The following TMEM94 variants were observed in gnomAD, a reference collection of about 807,000 sequenced individuals.
The protein encoded by TMEM94 is transmembrane protein 94.
Under a neutral mutation model 158.6 loss-of-function variants are expected in TMEM94, and 81 were observed. That is an observed-to-expected ratio of 0.51 (90% CI 0.43 to 0.61). The LOEUF (loss-of-function observed/expected upper bound fraction) is 0.61, where lower values mean the gene tolerates loss of function less well. Ranked by LOEUF, TMEM94 falls within the 20% of genes least tolerant of loss-of-function variation. TMEM94 has a pLI of 0.00. For missense variants in TMEM94, 1,435 were observed against 1,762.0 expected, an observed-to-expected ratio of 0.81 and a Z score of 3.32; for synonymous variants, 751 against 730.7, an observed-to-expected ratio of 1.03 and a Z score of -0.45.
chr17:75,468,543 C>T (rs775011999), intron 1 of TMEM94, among the ~76,000 whole-genome samples: 4 of 152,180 alleles, frequency 2.6e-5, no homozygotes, highest in Non-Finnish European at 4.4e-5. Flanking sequence ...GGATTTGGTC[C>T]CTCAGGATCC....
At chr17:75,486,066 C>T in intron 4 of TMEM94, 68 bp downstream of exon 4, 1 of 1,511,974 alleles carries the variant, frequency 6.6e-7, no homozygotes, top group South Asian at 1.3e-5. Context: ...GCACCTGGGA[C>T]AGACCAGGGC....
chr17:75,476,215 C>G (rs771121579), intron 2 of TMEM94, among the ~76,000 whole-genome samples: 1 of 152,168 alleles, frequency 6.6e-6, no homozygotes, highest in Non-Finnish European at 1.5e-5. Flanking sequence ...TTGATACTGG[C>G]AGTTGTCTTC....
intron 1 of TMEM94, among the ~76,000 whole-genome samples, chr17:75,468,977 C>G (rs529735016): frequency 6.6e-6 from 1 of 152,264 alleles, no homozygotes; most frequent in South Asian, 2.1e-4. Flanking sequence ...ACACCCTGGT[C>G]TGAGATCATT....
Position 75,471,793 on chromosome 17 carries a change from T to C in TMEM94, c.-106-7T>C. 1 of 1,028,174 alleles carries C rather than the reference T, an allele frequency of 9.7e-7. No homozygotes were observed. Among genetic ancestry groups the C allele is most frequent in the Non-Finnish European group, 1.5e-6 (1 of 666,868 alleles). 63.7% of individuals were successfully genotyped at this position (1,028,174 alleles called of 1,614,324 possible). ...ACCTGAGTGATTTCTTTCTTCTTTT[T>C]CCCCAGATGTTGTGACTGTGACAGA... is the stretch of plus-strand genomic sequence containing the variant. On this transcript the variant is annotated splice_region_variant and splice_polypyrimidine_tract_variant and intron_variant, in intron 1 of 31. Transcript: ENST00000314256.
At position 75,485,199 on chromosome 17, in the gene TMEM94, T is replaced by C. The variant is rs571819145; in HGVS notation, c.25-229T>C. ...ATAAAAGAAAAAGTTGTTTTGTTTT[T>C]TAATTTGGCTGTAAAGAGTAGGGTA... On this transcript the variant is annotated intron_variant, in intron 2 of 31. Coordinates refer to ENST00000314256, the MANE Select transcript of TMEM94 (RefSeq NM_014738.6). The surrounding 1 kb of genome is among the most constrained non-coding windows in gnomAD (Gnocchi z 5.5). Among the ~76,000 whole-genome samples the C allele has an allele frequency of 7.9e-5, 12 of 152,278 alleles. No homozygotes were observed. Among genetic ancestry groups the C allele is most frequent in the African/African-American group, 2.9e-4 (12 of 41,542 alleles).
rs770808337 is a variant in TMEM94 at position 75,473,798 on chromosome 17, C to G, written c.24+1869C>G. On this transcript the variant is annotated intron_variant, in intron 2 of 31. Transcript: ENST00000314256. ...GGGAGGTGGCCCCGGCTTAGAGAGG[C>G]TTATTGTCTAGTAGAGGAATTGATA... 7.2e-5 allele frequency among the ~76,000 whole-genome samples: 11 copies of G among 152,144 alleles called. No homozygotes were observed. The South Asian group carries it at 8.3e-4, about 11-fold the overall frequency.
Position 75,489,633 on chromosome 17 carries a change from TC to T in TMEM94, c.927del (p.Trp310GlyfsTer10). 1 of 1,613,962 alleles carries T rather than the reference TC, an allele frequency of 6.2e-7. No individual in the cohort carries two copies. Among genetic ancestry groups the T allele is most frequent in the South Asian group, 1.1e-5 (1 of 91,080 alleles). ...CATCTTCAGTGCCCCGGGGGTCACT[TC>T]CTGGCAGTACACCCTCCTCCAGCTC... ...RFIFSAPGVT[S>X]WQYTLLQLQV... On this transcript the variant is annotated frameshift_variant, in exon 9 of 32. Coordinates refer to ENST00000314256, the MANE Select transcript of TMEM94 (RefSeq NM_014738.6). LOFTEE classifies it high-confidence loss of function. The surrounding 1 kb of genome is among the most constrained non-coding windows in gnomAD (Gnocchi z 5.0).
intron 2 of TMEM94, among the ~76,000 whole-genome samples, chr17:75,478,260 G>T (rs374090477): frequency 7.3e-6 from 1 of 136,912 alleles, no homozygotes; most frequent in African/African-American, 2.7e-5. Flanking sequence ...CTCGTGATCC[G>T]CCCGCCTCGG....
intron 26 of TMEM94, 62 bp downstream of exon 26, chr17:75,497,260 G>C (rs1249526974): frequency 2.1e-6 from 3 of 1,415,958 alleles, no homozygotes; most frequent in African/African-American, 2.8e-5. Context: ...GGATGTCACT[G>C]TGCAGCCCCA....
Position 75,487,840 on chromosome 17 carries a change from G to A in TMEM94, c.410-92G>A, listed in dbSNP as rs938837007. On this transcript the variant is annotated intron_variant, in intron 5 of 31. Transcript: ENST00000314256. This position sits in a 1 kb window ranked among gnomAD's most constrained non-coding sequence, Gnocchi z 4.6. The stretch of plus-strand genomic sequence containing the variant: ...ACGCAGACCTCCTGGGAGAGGAAGT[G>A]GGCAGACAGTGCTTCCGGAAGTGCT... 1 of 1,033,834 alleles carries A rather than the reference G, an allele frequency of 9.7e-7. No homozygotes were observed. The highest frequency in any genetic ancestry group is 1.5e-6 in the Non-Finnish European group (1 of 674,940). 64.0% of individuals were successfully genotyped at this position (1,033,834 alleles called of 1,614,324 possible). A position where few individuals can be genotyped will look rare whatever the true frequency, so the allele number is the denominator to read the frequency against.
At position 75,489,635 on chromosome 17, in the gene TMEM94, C is replaced by T; in HGVS notation, c.927C>T (p.Ser309=). ...RFIFSAPGVT[S]WQYTLLQLQV... ...TCTTCAGTGCCCCGGGGGTCACTTC[C>T]TGGCAGTACACCCTCCTCCAGCTCC... The change falls in exon 9 of 32, where the codon TCC becomes TCT. Residue 309 remains serine (S), a synonymous_variant. Transcript: ENST00000314256. The surrounding 1 kb of genome is among the most constrained non-coding windows in gnomAD (Gnocchi z 5.0). 6.2e-7 allele frequency: 1 copy of T among 1,613,998 alleles called. No individual in the cohort carries two copies. The highest frequency in any genetic ancestry group is 8.5e-7 in the Non-Finnish European group (1 of 1,179,940).
intron 2 of TMEM94, chr17:75,476,469 T>A: frequency 5.2e-5 from 67 of 1,288,994 alleles, no homozygotes; most frequent in East Asian, 2.0e-4. Flanking sequence ...CCTCCCTCCC[T>A]GAATCTGCAG....
intron 1 of TMEM94, among the ~76,000 whole-genome samples, chr17:75,465,350 A>T (rs1567907682): frequency 6.6e-6 from 1 of 151,872 alleles, no homozygotes; most frequent in African/African-American, 2.4e-5. Flanking sequence ...CCAATAATTA[A>T]TGTTGTTGAC....
chr17:75,484,789 C>A (rs951215507), intron 2 of TMEM94, among the ~76,000 whole-genome samples: 2 of 152,074 alleles, frequency 1.3e-5, no homozygotes, highest in African/African-American at 4.8e-5. Context: ...GTCATCCCAG[C>A]ACTTTGGGAG....
Position 75,493,779 on chromosome 17 carries a change from C to T in TMEM94, c.2270C>T (p.Ala757Val), listed in dbSNP as rs1332781060. 6.2e-7 allele frequency: 1 copy of T among 1,613,968 alleles called. No homozygotes were observed. The highest frequency in any genetic ancestry group is 1.3e-5 in the African/African-American group (1 of 74,930). ...TTCGCCTACAAGCCCATGAACTGCG[C>T]CCTGTCCTCTCAGCTCAATGGCAAG... ...SAFAYKPMNC[A>V]LSSQLNGKCI... Residue 757 changes from alanine (A) to valine (V), a missense_variant, in exon 18 of 32, where the codon GCC (alanine) becomes GTC (valine). Physicochemically the swap from Ala to Val is moderately conservative, Grantham distance 64 (BLOSUM62 0). Transcript: ENST00000314256.
In TMEM94 at chr17:75,463,079, T is replaced by TACAC. The variant is rs747265512; in HGVS notation, c.-107+6340_-107+6343dup. Among the ~76,000 whole-genome samples, 103 of 14,272 alleles carry TACAC rather than the reference T, an allele frequency of 7.2e-3. 13 individuals carry two copies. The highest frequency in any genetic ancestry group is 0.051 in the African/African-American group (53 of 1,030). 9.4% of individuals were successfully genotyped at this position (14,272 alleles called of 152,430 possible). On this transcript the variant is annotated intron_variant, in intron 1 of 31. Transcript: ENST00000314256. ...ATATATATATATATATATATATATA[T>TACAC]ACACACACACACACATATATATGTG...
rs181473249 is a variant in TMEM94, at chr17:75,480,497, G to A, written c.25-4931G>A. Among the ~76,000 whole-genome samples the A allele has an allele frequency of 2.4e-3, 362 of 152,336 alleles. 2 individuals carry two copies. Among genetic ancestry groups the A allele is most frequent in the Non-Finnish European group, 2.3e-3 (156 of 68,026 alleles). ...CAGAGCGCAGCTTCAAGGTTCCTGGGGTAGAGACAGCAAGAGAGCAGATGA... is the reference window on the plus strand; with the variant it reads ...CAGAGCGCAGCTTCAAGGTTCCTGGAGTAGAGACAGCAAGAGAGCAGATGA... On this transcript the variant is annotated intron_variant, in intron 2 of 31. Coordinates refer to ENST00000314256, the MANE Select transcript of TMEM94 (RefSeq NM_014738.6).
At position 75,492,100 on chromosome 17, in the gene TMEM94, T is replaced by G; in HGVS notation, c.1596+200T>G. The G allele has an allele frequency of 1.3e-6, 1 of 776,766 alleles. No individual in the cohort carries two copies. The highest frequency in any genetic ancestry group is 1.9e-5 in the South Asian group (1 of 53,998). The allele number at this position is 776,766 out of a possible 1,614,324, so 48.1% of individuals were successfully genotyped here. On this transcript the variant is annotated intron_variant, in intron 14 of 31. Coordinates refer to ENST00000314256, the MANE Select transcript of TMEM94 (RefSeq NM_014738.6). The surrounding 1 kb of genome is among the most constrained non-coding windows in gnomAD (Gnocchi z 4.4). The stretch of plus-strand genomic sequence containing the variant: ...GGTGGAGCCTCCCCCTACCCTTCCA[T>G]TCTTGTAATCGCAATCACTGGTGTC...
Position 75,492,238 on chromosome 17 carries a change from G to A in TMEM94, c.1597-236G>A, listed in dbSNP as rs1321475560. The A allele has an allele frequency of 7.0e-7, 1 of 1,419,870 alleles. No homozygotes were observed. 88.0% of individuals were successfully genotyped at this position (1,419,870 alleles called of 1,614,324 possible). On this transcript the variant is annotated intron_variant, in intron 14 of 31. Transcript: ENST00000314256. The surrounding 1 kb of genome is among the most constrained non-coding windows in gnomAD (Gnocchi z 4.4). Reference sequence around the variant, plus strand: ...TTTGGTCTGGCCACCCCTCTTTTTAGCTCCTGCCAGTGTCATGAGATATAT... The same window carrying A: ...TTTGGTCTGGCCACCCCTCTTTTTAACTCCTGCCAGTGTCATGAGATATAT...
Sources: gnomAD v4.1 joint callset for allele counts (sites outside exome capture counted in the v4.1 genomes callset) on GRCh38, gnomAD v4.1.1 for gene constraint, Gnocchi (gnomAD v3.1) non-coding constraint, MANE v1.5 for transcripts, NCBI Gene and HGNC (gene_info 2026-07-23, HGNC 2026-07-21) for gene names.